Variants in ABCB1 observed in about 807,000 individuals in gnomAD.
ABCB1 encodes the protein ATP binding cassette subfamily B member 1.
A neutral mutation model predicts 142.0 loss-of-function variants in ABCB1; 69 were observed. That is an observed-to-expected ratio of 0.49 (90% CI 0.40 to 0.59). The LOEUF is 0.59. Among genes scored for constraint, ABCB1 ranks in the 20% least tolerant of loss-of-function variants. The probability of loss-of-function intolerance (pLI) is 0.00; values close to 1 mark genes in which losing one functional copy is unlikely to be tolerated. For missense variants in ABCB1, 1,326 were observed against 1,554.7 expected (o/e 0.85, Z 2.47); for synonymous variants, 532 against 539.2 (o/e 0.99, Z 0.18).
intron 21 of ABCB1, chr7:87,521,730 T>C (rs923345356): frequency 2.1e-6 from 2 of 948,132 alleles, no homozygotes; most frequent in African/African-American, 3.2e-5. Flanking sequence ...CAAAGAGAGC[T>C]GTCTCAAGAG....
intron 1 of ABCB1, among the ~76,000 whole-genome samples, chr7:87,695,439 T>G (rs1828417726): frequency 6.6e-6 from 1 of 152,068 alleles, no homozygotes; most frequent in Non-Finnish European, 1.5e-5. Flanking sequence ...ACTCCACAAG[T>G]TTTTTAAAGG....
At chr7:87,511,029 G>C (rs1384639200) in intron 25 of ABCB1, among the ~76,000 whole-genome samples, 1 of 152,126 alleles carries the variant, frequency 6.6e-6, no homozygotes. Flanking sequence ...AACAGACACT[G>C]CCTAACTAAT....
chr7:87,671,333 C>T (rs930076099), intron 1 of ABCB1, among the ~76,000 whole-genome samples: 1 of 152,164 alleles, frequency 6.6e-6, no homozygotes, highest in Non-Finnish European at 1.5e-5. Context: ...CTTTTAGTTT[C>T]CCCTAGAGGC....
chr7:87,701,444 A>G (rs1047282052), intron 1 of ABCB1, among the ~76,000 whole-genome samples: 1 of 152,222 alleles, frequency 6.6e-6, no homozygotes, highest in African/African-American at 2.4e-5. Context: ...GTTGATATCA[A>G]CAAATGTATT....
chr7:87,689,289 T>G (rs1734482759), intron 1 of ABCB1, among the ~76,000 whole-genome samples: 1 of 152,122 alleles, frequency 6.6e-6, no homozygotes, highest in East Asian at 1.9e-4. Flanking sequence ...AATTCATGTT[T>G]ATGTTCATTT....
chr7:87,529,525 A>C (rs1780744542), intron 21 of ABCB1, among the ~76,000 whole-genome samples: 1 of 152,136 alleles, frequency 6.6e-6, no homozygotes, highest in South Asian at 2.1e-4. Flanking sequence ...ATTCATTTCC[A>C]TCTGCTCCCC....
intron 9 of ABCB1, among the ~76,000 whole-genome samples, chr7:87,551,693 T>C (rs1584873321): frequency 6.6e-6 from 1 of 152,176 alleles, no homozygotes; most frequent in Non-Finnish European, 1.5e-5. Context: ...GATCTCACTA[T>C]GTTGCCCATA....
chr7:87,572,555 T>C (rs1162101946), intron 4 of ABCB1, among the ~76,000 whole-genome samples: 1 of 152,176 alleles, frequency 6.6e-6, no homozygotes, highest in Non-Finnish European at 1.5e-5. Context: ...AAATAAAAAT[T>C]GGGCATTCAA....
intron 21 of ABCB1, among the ~76,000 whole-genome samples, chr7:87,527,138 A>AT (rs1174766582): frequency 2.0e-5 from 3 of 151,954 alleles, no homozygotes; most frequent in Non-Finnish European, 4.4e-5. Context: ...CTATCTTGAC[A>AT]TTTTTTTAAA....
At chr7:87,672,037 C>T (rs1377088683) in intron 1 of ABCB1, among the ~76,000 whole-genome samples, 4 of 152,126 alleles carry the variant, frequency 2.6e-5, no homozygotes. Context: ...GGAGTCTTTT[C>T]TGCCCCTGGT....
Position 87,516,574 on chromosome 7 carries a change from G to A in ABCB1, c.3019C>T (p.His1007Tyr). ...DYAKAKISAA[H>Y]IIMIIEKTPL... ...GTTTTTTCAATGATCATGATGATGT[G>A]GGCTGCTGATATTTTGGCTTTGGCA... The change falls in exon 24 of 28, where the codon CAC becomes TAC. Residue 1007 changes from histidine (H) to tyrosine (Y), a missense_variant. Coordinates refer to ENST00000622132, the MANE Select transcript of ABCB1 (RefSeq NM_001348946.2). 1 of 1,614,152 alleles carries A rather than the reference G, an allele frequency of 6.2e-7. No homozygotes were observed. Among genetic ancestry groups the A allele is most frequent in the African/African-American group, 1.3e-5 (1 of 75,016 alleles).
intron 1 of ABCB1, among the ~76,000 whole-genome samples, chr7:87,611,174 C>T (rs938347092): frequency 6.6e-6 from 1 of 152,186 alleles, no homozygotes; most frequent in African/African-American, 2.4e-5. Context: ...CAAAGGTCCT[C>T]AATAATCTGT....
chr7:87,649,038 C>T (rs1823308753), intron 1 of ABCB1, among the ~76,000 whole-genome samples: 1 of 152,030 alleles, frequency 6.6e-6, no homozygotes, highest in Non-Finnish European at 1.5e-5. Context: ...ACTCTTTTAT[C>T]TCCTTTATAG....
chr7:87,702,691 G>A (rs2130705072), intron 1 of ABCB1, among the ~76,000 whole-genome samples: 1 of 152,186 alleles, frequency 6.6e-6, no homozygotes, highest in East Asian at 1.9e-4. Context: ...TAATTTTTAG[G>A]ATTATAAAAT....
Position 87,581,049 on chromosome 7 carries a change from AG to A in ABCB1, c.286+4462del, listed in dbSNP as rs200571013. Among the ~76,000 whole-genome samples, 342 of 150,596 alleles carry A rather than the reference AG, an allele frequency of 2.3e-3. 6 individuals are homozygous for A. The East Asian group carries it at 0.034, about 15-fold the overall frequency. On this transcript the variant is annotated intron_variant, in intron 4 of 27. Coordinates refer to ENST00000622132, the MANE Select transcript of ABCB1 (RefSeq NM_001348946.2). ...TTTGGTGTTCCTGTAGGGATGGGGG[AG>A]GGGGGGATGATTTCTGGAGGCTTTT... is the stretch of plus-strand genomic sequence containing the variant.
At chr7:87,563,309 T>C in intron 7 of ABCB1, 2 of 438,502 alleles carry the variant, frequency 4.6e-6, no homozygotes, top group Non-Finnish European at 9.2e-6. Flanking sequence ...TCTGACCCAT[T>C]CTATGAGGCC....
intron 1 of ABCB1, among the ~76,000 whole-genome samples, chr7:87,626,201 T>A (rs1308516796): frequency 1.7e-5 from 2 of 116,218 alleles, no homozygotes; most frequent in South Asian, 3.0e-4. Context: ...CATATATATG[T>A]CATATATATG....
At chr7:87,667,433 C>G (rs572099602) in intron 1 of ABCB1, among the ~76,000 whole-genome samples, 1 of 151,966 alleles carries the variant, frequency 6.6e-6, no homozygotes, top group East Asian at 1.9e-4. Flanking sequence ...ATGTCATCTG[C>G]AAACAGGGAT....
rs772196593 is a variant in ABCB1 at position 87,561,167 on chromosome 7, A to G, written c.827+96T>C. 106 of 1,417,484 alleles carry G rather than the reference A, an allele frequency of 7.5e-5. 1 individual carries two copies. The highest frequency in any genetic ancestry group is 2.5e-4 in the Admixed American group (13 of 51,760). The allele number at this position is 1,417,484 out of a possible 1,614,324, so 87.8% of individuals were successfully genotyped here. A position where few individuals can be genotyped will look rare whatever the true frequency, so the allele number is the denominator to read the frequency against. On this transcript the variant is annotated intron_variant, in intron 8 of 27. Transcript: ENST00000622132. ...TTAAGCTATTTAAGAAAACATATATATGGGAGAAAATGCTTATAAATAACA... is the reference window on the plus strand; with the variant it reads ...TTAAGCTATTTAAGAAAACATATATGTGGGAGAAAATGCTTATAAATAACA...
Sources: allele counts gnomAD v4.1 joint callset (sites outside exome capture counted in the v4.1 genomes callset), GRCh38; gene constraint gnomAD v4.1.1; transcripts MANE v1.5; gene names NCBI Gene and HGNC (gene_info 2026-07-23, HGNC 2026-07-21).